Variants in C2orf78 observed in about 807,000 individuals in gnomAD.
The protein encoded by C2orf78 is uncharacterized protein C2orf78.
In C2orf78, 12 loss-of-function variants were observed where a neutral mutation model predicts 21.4. That is an observed-to-expected ratio of 0.56 (90% CI 0.36 to 0.91). C2orf78 has a LOEUF of 0.91. Among genes scored for constraint, C2orf78 ranks in the 40% least tolerant of loss-of-function variants. C2orf78 has a pLI of 0.01. For synonymous variants in C2orf78, 396 were observed against 413.9 expected, an observed-to-expected ratio of 0.96 and a Z score of 0.52; for missense variants, 1,042 against 1,092.4, an observed-to-expected ratio of 0.95 and a Z score of 0.65.
chr2:73,807,022 A>C (rs1455863153), intron 1 of C2orf78, among the ~76,000 whole-genome samples: 2 of 143,510 alleles, frequency 1.4e-5, no homozygotes, highest in African/African-American at 2.8e-5. Context: ...CTACAAAAAA[A>C]TACAAAAAAT....
intron 2 of C2orf78, among the ~76,000 whole-genome samples, chr2:73,814,755 G>C (rs1673159294): frequency 6.6e-6 from 1 of 152,170 alleles, no homozygotes; most frequent in Non-Finnish European, 1.5e-5. Context: ...TCTCTCAGGA[G>C]AGTGGAGAGA....
At chr2:73,810,270 C>A (rs1673052348) in intron 1 of C2orf78, among the ~76,000 whole-genome samples, 1 of 151,882 alleles carries the variant, frequency 6.6e-6, no homozygotes, top group Non-Finnish European at 1.5e-5. Flanking sequence ...ATGGCTCACA[C>A]CTGTAATCCC....
At chr2:73,810,527 C>G (rs193159352) in intron 1 of C2orf78, among the ~76,000 whole-genome samples, 1 of 93,898 alleles carries the variant, frequency 1.1e-5, no homozygotes, top group Admixed American at 1.2e-4. Flanking sequence ...AACTCTGTCT[C>G]AAAAAGAAAA....
At chr2:73,816,636 CCTCAAT>C in exon 3 of C2orf78, 1 of 1,613,724 alleles carries the variant, frequency 6.2e-7, no homozygotes, top group Non-Finnish European at 8.5e-7. Flanking sequence ...GCCTACTGTC[CCTCAAT>C]CTGCTGCTTC....
At chr2:73,816,434 G>A in exon 3 of C2orf78, 1 of 1,613,892 alleles carries the variant, frequency 6.2e-7, no homozygotes, top group East Asian at 2.2e-5. Context: ...TTTCTCGGCG[G>A]CCAAACCCTC....
At chr2:73,815,030 T>A in intron 2 of C2orf78, 41 bp from the exon 3 acceptor site, 2 of 1,562,370 alleles carry the variant, frequency 1.3e-6, no homozygotes, top group Non-Finnish European at 1.7e-6. Flanking sequence ...GGGGAGCATC[T>A]CACTTACCAG....
At chr2:73,810,794 A>G (rs1431482359) in intron 1 of C2orf78, among the ~76,000 whole-genome samples, 37 of 95,104 alleles carry the variant, frequency 3.9e-4, no homozygotes, top group Admixed American at 1.0e-3. Context: ...TGTATATTTT[A>G]TATATATAAT....
intron 1 of C2orf78, 106 bp from the exon 2 acceptor site, chr2:73,813,371 T>C: frequency 8.4e-7 from 1 of 1,186,142 alleles, no homozygotes; most frequent in Non-Finnish European, 1.1e-6. Flanking sequence ...AGTATTGGTA[T>C]TAGAGGCTTC....
chr2:73,816,741 A>G (rs1319241661), exon 3 of C2orf78: 1 of 1,613,980 alleles, frequency 6.2e-7, no homozygotes, highest in Admixed American at 1.7e-5. Context: ...GTCACTGCCC[A>G]AGCCTCAAAA....
exon 3 of C2orf78, chr2:73,816,714 G>A: frequency 6.2e-7 from 1 of 1,613,914 alleles, no homozygotes; most frequent in Non-Finnish European, 8.5e-7. Context: ...TGTTTCCACT[G>A]CTGTGACCAG....
At chr2:73,810,696 T>C (rs1339838266) in intron 1 of C2orf78, among the ~76,000 whole-genome samples, 2 of 132,540 alleles carry the variant, frequency 1.5e-5, no homozygotes, top group Non-Finnish European at 3.1e-5. Context: ...ATATATATTT[T>C]ATATATATAT....
intron 1 of C2orf78, among the ~76,000 whole-genome samples, chr2:73,811,866 A>G (rs548577770): frequency 6.6e-6 from 1 of 152,276 alleles, no homozygotes; most frequent in East Asian, 1.9e-4. Context: ...TTACACTAGG[A>G]TTAATACCTG....
chr2:73,811,769 C>T (rs986046473), intron 1 of C2orf78, among the ~76,000 whole-genome samples: 7 of 151,732 alleles, frequency 4.6e-5, no homozygotes, highest in African/African-American at 7.3e-5. Flanking sequence ...TGATTATAAT[C>T]TAGGTTTTGA....
chr2:73,810,464 T>C (rs1308167489), intron 1 of C2orf78, among the ~76,000 whole-genome samples: 1 of 150,376 alleles, frequency 6.6e-6, no homozygotes, highest in African/African-American at 2.4e-5. Flanking sequence ...GAGGTGTAGG[T>C]TGCAGTGAGC....
chr2:73,812,331 TTA>T (rs1211193341), intron 1 of C2orf78, among the ~76,000 whole-genome samples: 3 of 152,330 alleles, frequency 2.0e-5, no homozygotes, highest in Admixed American at 6.5e-5. Context: ...TTCCATGATT[TTA>T]TGTTTTTAAT....
chr2:73,813,576 A>T (rs367715200), exon 2 of C2orf78: 176 of 1,613,726 alleles, frequency 1.1e-4, no homozygotes, highest in Non-Finnish European at 1.5e-4. Context: ...AGCATCTCCA[A>T]CTTCTCCAGA....
chr2:73,811,743 T>G (rs1478965819), intron 1 of C2orf78, among the ~76,000 whole-genome samples: 1 of 152,180 alleles, frequency 6.6e-6, no homozygotes, highest in Non-Finnish European at 1.5e-5. Context: ...AATGTCATTT[T>G]CCTGGACGTT....
chr2:73,816,961 A>G (rs887643021), exon 3 of C2orf78: 11 of 1,610,456 alleles, frequency 6.8e-6, no homozygotes, highest in Non-Finnish European at 9.3e-6. Context: ...AGAGATATGG[A>G]AATTGCTGAA....
intron 1 of C2orf78, among the ~76,000 whole-genome samples, chr2:73,807,055 C>A (rs1372822885): frequency 1.4e-5 from 2 of 144,418 alleles, no homozygotes; most frequent in East Asian, 3.9e-4. Context: ...GTGGCGAGTA[C>A]CTGTAATCCC....
Sources: gnomAD v4.1 joint callset for allele counts (sites outside exome capture counted in the v4.1 genomes callset) on GRCh38, gnomAD v4.1.1 for gene constraint, MANE v1.5 for transcripts, NCBI Gene and HGNC (gene_info 2026-07-23, HGNC 2026-07-21) for gene names.